NUP155: variants seen among roughly 807,000 people sequenced by gnomAD.
NUP155 encodes nucleoporin 155, also known as nuclear pore complex protein Nup155.
NUP155 carries 71 observed loss-of-function variants against 180.4 expected under a neutral mutation model. The observed-to-expected ratio is 0.39, with a 90% CI of 0.33 to 0.48. NUP155 has a LOEUF of 0.48. Among genes scored for constraint, NUP155 ranks in the 20% least tolerant of loss-of-function variants. The pLI is 0.91. For missense variants in NUP155, 1,553 were observed against 1,648.9 expected (o/e 0.94, Z 1.01); for synonymous variants, 582 against 559.5 (o/e 1.04, Z -0.57).
chr5:37,361,420 G>A (rs978180057), intron 3 of NUP155, among the ~76,000 whole-genome samples: 1 of 151,860 alleles, frequency 6.6e-6, no homozygotes, highest in South Asian at 2.1e-4. Flanking sequence ...AAAATACCAC[G>A]AAAAAATATG....
At chr5:37,357,193 C>A (rs1746883003) in intron 4 of NUP155, among the ~76,000 whole-genome samples, 1 of 151,426 alleles carries the variant, frequency 6.6e-6, no homozygotes. Context: ...ATTGCTTGAG[C>A]ACAGGAGTTC....
chr5:37,305,266 G>GT lies in NUP155; in HGVS notation c.2904-57dup, dbSNP rs1470401137. The GT allele has an allele frequency of 2.2e-5, 33 of 1,488,744 alleles. 1 individual carries two copies. Among genetic ancestry groups the GT allele is most frequent in the South Asian group, 1.5e-4 (13 of 88,192 alleles). 92.2% of individuals were successfully genotyped at this position (1,488,744 alleles called of 1,614,324 possible). A position where few individuals can be genotyped will look rare whatever the true frequency, so the allele number is the denominator to read the frequency against. On this transcript the variant is annotated intron_variant, in intron 25 of 34. Coordinates refer to ENST00000231498, the MANE Select transcript of NUP155 (RefSeq NM_153485.3). ...TTATTTAACTAGAAAGCAAATGATG[G>GT]TAAGTGTGGTGACTCACGCCTGTAA... is the stretch of plus-strand genomic sequence containing the variant.
At chr5:37,298,364 G>T (rs1742697115) in intron 32 of NUP155, among the ~76,000 whole-genome samples, 1 of 151,978 alleles carries the variant, frequency 6.6e-6, no homozygotes, top group Non-Finnish European at 1.5e-5. Flanking sequence ...TACCACTGAG[G>T]AAAACACTTG....
intron 21 of NUP155, among the ~76,000 whole-genome samples, chr5:37,315,386 T>G (rs1403542336): frequency 2.0e-5 from 3 of 152,256 alleles, no homozygotes; most frequent in Admixed American, 6.5e-5. Flanking sequence ...AACTGAAGAT[T>G]ATGAGAACTT....
intron 32 of NUP155, among the ~76,000 whole-genome samples, chr5:37,298,446 G>A (rs73749005): frequency 6.6e-6 from 1 of 152,120 alleles, no homozygotes; most frequent in African/African-American, 2.4e-5. Flanking sequence ...TTAAGAAAGG[G>A]ATTCAAACAC....
intron 2 of NUP155, 31 bp downstream of exon 2, chr5:37,364,214 CAT>C: frequency 6.6e-7 from 1 of 1,526,546 alleles, no homozygotes; most frequent in Middle Eastern, 1.7e-4. Context: ...CCAATTTTAA[CAT>C]TTTTAAAATA....
rs773708725 is a variant in NUP155, at chr5:37,299,534, G to A, written c.3596C>T (p.Ala1199Val). ...YGEFADPFKL[A>V]ECKLAIIHCA... ...ATGAATTATTGCAAGTTTGCACTCT[G>A]CAAGTTTAAATGGGTCAGCAAATTC... The change falls in exon 31 of 35, where the codon GCA (alanine) becomes GTA (valine). Residue 1199 changes from alanine to valine, a missense_variant. By Grantham distance (64) the Ala-to-Val change is moderately conservative (BLOSUM62 0). Transcript: ENST00000231498. 6.2e-7 allele frequency: 1 copy of A among 1,613,894 alleles called. No homozygotes were observed. The highest frequency in any genetic ancestry group is 1.3e-5 in the African/African-American group (1 of 74,928).
chr5:37,320,162 G>GA lies in NUP155; in HGVS notation c.2208-2078dup, dbSNP rs201560597. On this transcript the variant is annotated intron_variant, in intron 20 of 34. Transcript: ENST00000231498. ...TGACAGAGCAAGATTGCCTAAAAAAGAAAAAAAAAGAGAAAAGACAGACAG... is the reference window on the plus strand; with the variant it reads ...TGACAGAGCAAGATTGCCTAAAAAAGAAAAAAAAAAGAGAAAAGACAGACAG... Among the ~76,000 whole-genome samples the GA allele has an allele frequency of 6.7e-4, 100 of 148,984 alleles. No individual in the cohort carries two copies. The East Asian group carries it at 0.014, about 21-fold the overall frequency.
intron 20 of NUP155, among the ~76,000 whole-genome samples, chr5:37,322,971 C>G (rs542631839): frequency 6.7e-6 from 1 of 148,314 alleles, no homozygotes; most frequent in Non-Finnish European, 1.5e-5. Flanking sequence ...GAAACTCCGT[C>G]TCAAAAAAAA....
At chr5:37,361,368 T>C (rs1581214592) in intron 3 of NUP155, among the ~76,000 whole-genome samples, 2 of 140,884 alleles carry the variant, frequency 1.4e-5, no homozygotes, top group East Asian at 2.1e-4. Context: ...ATAGAAGACA[T>C]CAAACTAAAG....
At position 37,341,253 on chromosome 5, in the gene NUP155, G is replaced by C. The variant is rs371013598; in HGVS notation, c.1094-11C>G. 6.2e-7 allele frequency: 1 copy of C among 1,612,322 alleles called. No individual in the cohort carries two copies. Among genetic ancestry groups the C allele is most frequent in the Non-Finnish European group, 8.5e-7 (1 of 1,178,500 alleles). ...AATATAACCTAACACCTGAAGATGG[G>C]GTAAAATTATGCATCAGTAATAGAA... On this transcript the variant is annotated splice_polypyrimidine_tract_variant and intron_variant, in intron 10 of 34. Transcript: ENST00000231498.
In NUP155 at chr5:37,302,792, T is replaced by G; in HGVS notation, c.3434A>C (p.Glu1145Ala). 1 of 1,614,086 alleles carries G rather than the reference T, an allele frequency of 6.2e-7. No homozygotes were observed. Among genetic ancestry groups the G allele is most frequent in the Non-Finnish European group, 8.5e-7 (1 of 1,179,982 alleles). The change falls in exon 29 of 35, where the codon GAA (glutamate) becomes GCA (alanine). Residue 1145 changes from glutamate (E) to alanine (A), a missense_variant. Physicochemically the swap from Glu to Ala is moderately radical, Grantham distance 107. Transcript: ENST00000231498. ...AADGEFLHEL[E>A]EKMEVARIQL... ...TTTAGCACTTACCTCCATTTTTTCT[T>G]CTAATTCATGAAGAAATTCACCATC...
chr5:37,351,434 C>T, intron 5 of NUP155, 78 bp from the exon 6 acceptor site: 1 of 1,016,890 alleles, frequency 9.8e-7, no homozygotes, highest in South Asian at 1.4e-5. Flanking sequence ...TCATCAGAAT[C>T]TATATGTTTA....
At position 37,294,261 on chromosome 5, in the gene NUP155, C is replaced by A. The variant is rs1446817747; in HGVS notation, c.3930+68G>T. On this transcript the variant is annotated intron_variant, in intron 33 of 34. Coordinates refer to ENST00000231498, the MANE Select transcript of NUP155 (RefSeq NM_153485.3). ...GATACAAAAATGCAATCAAAATACC[C>A]CACTCTATATCTACAAAGTTACTTT... is the stretch of plus-strand genomic sequence containing the variant. 35 of 1,083,540 alleles carry A rather than the reference C, an allele frequency of 3.2e-5. No individual in the cohort carries two copies. The Admixed American group carries it at 7.1e-4, about 22-fold the overall frequency. 67.1% of individuals were successfully genotyped at this position (1,083,540 alleles called of 1,614,324 possible). A position where few individuals can be genotyped will look rare whatever the true frequency, so the allele number is the denominator to read the frequency against.
Position 37,327,626 on chromosome 5 carries a change from T to C in NUP155, c.2024+3A>G. ...ATAATTCATTATTTCATGACAAACT[T>C]ACCCCATGATCCGAGAAAAGTAAAT... On this transcript the variant is annotated splice_donor_region_variant and intron_variant, in intron 18 of 34. Coordinates refer to ENST00000231498, the MANE Select transcript of NUP155 (RefSeq NM_153485.3). 2.5e-6 allele frequency: 4 copies of C among 1,614,042 alleles called. No individual in the cohort carries two copies. The highest frequency in any genetic ancestry group is 3.4e-6 in the Non-Finnish European group (4 of 1,179,940).
intron 33 of NUP155, among the ~76,000 whole-genome samples, chr5:37,293,365 C>G (rs573520565): frequency 1.3e-5 from 2 of 151,260 alleles, no homozygotes; most frequent in African/African-American, 2.4e-5. Context: ...CTAGCAGTAA[C>G]AGAAACTTAA....
chr5:37,299,946 AAGGTGG>A (rs988477333), intron 30 of NUP155, among the ~76,000 whole-genome samples: 9 of 151,414 alleles, frequency 5.9e-5, no homozygotes, highest in Admixed American at 5.9e-4. Context: ...GAGGCTGAGG[AAGGTGG>A]AGGTTGCAGT....
chr5:37,296,358 T>A (rs1317333475), intron 32 of NUP155, among the ~76,000 whole-genome samples: 1 of 152,072 alleles, frequency 6.6e-6, no homozygotes, highest in Admixed American at 6.5e-5. Flanking sequence ...CTTGGGATCC[T>A]GTTGATCTGT....
Position 37,330,069 on chromosome 5 carries a change from C to A in NUP155, c.1693G>T (p.Val565Leu). The A allele has an allele frequency of 6.2e-7, 1 of 1,613,746 alleles. No homozygotes were observed. The highest frequency in any genetic ancestry group is 8.5e-7 in the Non-Finnish European group (1 of 1,179,788). ...ACSTAACDRE[V>L]SAWATRAFFR... ...AAAGCCCGAGTAGCCCAGGCAGATA[C>A]TTCTCTATCACAGGCAGCAGTGGAG... The change falls in exon 15 of 35, where the codon GTA (valine) becomes TTA (leucine). Residue 565 changes from valine to leucine, a missense_variant. Coordinates refer to ENST00000231498, the MANE Select transcript of NUP155 (RefSeq NM_153485.3).
Sources: gnomAD v4.1 joint callset for allele counts (sites outside exome capture counted in the v4.1 genomes callset) on GRCh38, gnomAD v4.1.1 for gene constraint, MANE v1.5 for transcripts, NCBI Gene and HGNC (gene_info 2026-07-23, HGNC 2026-07-21) for gene names.